Variants in CYP20A1 observed in about 807,000 individuals in gnomAD.
The protein encoded by CYP20A1 is cytochrome P450 family 20 subfamily A member 1, also known as cytochrome P450 20A1.
Under a neutral mutation model 61.4 loss-of-function variants are expected in CYP20A1, and 61 were observed. The observed-to-expected ratio is 0.99, with a 90% CI of 0.81 to 1.23. The LOEUF is 1.23. Among genes scored for constraint, CYP20A1 ranks in the 50% most tolerant of loss-of-function variants. The pLI, the probability that CYP20A1 is intolerant of heterozygous loss-of-function variation, is 0.00. For missense variants in CYP20A1, 530 were observed against 542.4 expected (o/e 0.98, Z 0.23); for synonymous variants, 193 against 188.2 (o/e 1.03, Z -0.21).
At chr2:203,267,528 C>A (rs2067375788) in intron 5 of CYP20A1, among the ~76,000 whole-genome samples, 1 of 137,900 alleles carries the variant, frequency 7.3e-6, no homozygotes. Flanking sequence ...GAGTGAGACT[C>A]TTGTCTCACT....
intron 4 of CYP20A1, among the ~76,000 whole-genome samples, chr2:203,266,134 T>G (rs1351610568): frequency 6.6e-6 from 1 of 152,242 alleles, no homozygotes; most frequent in African/African-American, 2.4e-5. Context: ...TATATTCATA[T>G]GTTTATTGAT....
At chr2:203,243,335 G>A (rs898585919) in intron 1 of CYP20A1, among the ~76,000 whole-genome samples, 1 of 151,538 alleles carries the variant, frequency 6.6e-6, no homozygotes. Context: ...GTAGAGACAG[G>A]GTTTCACTGT....
intron 1 of CYP20A1, among the ~76,000 whole-genome samples, chr2:203,239,633 G>T (rs2066176408): frequency 6.6e-6 from 1 of 152,144 alleles, no homozygotes; most frequent in African/African-American, 2.4e-5. Context: ...AATCCAAAGT[G>T]CTCGAGGTCC....
rs554558552 is a variant in CYP20A1, at chr2:203,274,505, A to G, written c.679+1757A>G. 3.9e-5 allele frequency among the ~76,000 whole-genome samples: 6 copies of G among 152,170 alleles called. No homozygotes were observed. In the South Asian group the frequency reaches 8.3e-4, roughly 21 times the overall value. On this transcript the variant is annotated intron_variant, in intron 6 of 12. Coordinates refer to ENST00000356079, the MANE Select transcript of CYP20A1 (RefSeq NM_177538.3). ...CCGGCCAATACTTTTATTCTAAGCT[A>G]CCTCAATTCATTTTTTTGGAAGCAT...
At chr2:203,264,277 G>A (rs147897935) in intron 4 of CYP20A1, among the ~76,000 whole-genome samples, 1 of 152,148 alleles carries the variant, frequency 6.6e-6, no homozygotes. Context: ...ATGAGCCACC[G>A]TGTCTAGCCT....
chr2:203,260,611 T>A (rs1411153293), intron 4 of CYP20A1, among the ~76,000 whole-genome samples: 1 of 152,012 alleles, frequency 6.6e-6, no homozygotes, highest in Non-Finnish European at 1.5e-5. Context: ...TTCCTGCACC[T>A]CGGCTCAAGT....
intron 2 of CYP20A1, among the ~76,000 whole-genome samples, chr2:203,246,345 C>T (rs953519247): frequency 6.6e-6 from 1 of 152,112 alleles, no homozygotes; most frequent in African/African-American, 2.4e-5. Context: ...CTTTCACTTC[C>T]CCTTGCCAGA....
chr2:203,287,236 A>G (rs1001799414), intron 9 of CYP20A1, among the ~76,000 whole-genome samples: 9 of 150,592 alleles, frequency 6.0e-5, no homozygotes, highest in African/African-American at 1.2e-4. Context: ...AAAAAAAAAA[A>G]AAAGAAAAGA....
At chr2:203,256,520 C>T (rs1010021179) in intron 4 of CYP20A1, among the ~76,000 whole-genome samples, 6 of 151,934 alleles carry the variant, frequency 3.9e-5, no homozygotes, top group African/African-American at 7.3e-5. Context: ...CCACAACGCC[C>T]GGTAATTTTT....
At chr2:203,253,215 C>T (rs769092216) in intron 4 of CYP20A1, among the ~76,000 whole-genome samples, 1 of 152,148 alleles carries the variant, frequency 6.6e-6, no homozygotes, top group Non-Finnish European at 1.5e-5. Flanking sequence ...AACCTTACTG[C>T]GGTTCCTGAA....
chr2:203,249,341 T>A (rs1052951049), intron 3 of CYP20A1, among the ~76,000 whole-genome samples: 4 of 152,140 alleles, frequency 2.6e-5, no homozygotes, highest in African/African-American at 9.7e-5. Flanking sequence ...ACATTGAGAC[T>A]GTCTCTAAAT....
chr2:203,295,667 G>T (rs539897062), intron 11 of CYP20A1, among the ~76,000 whole-genome samples: 3 of 152,090 alleles, frequency 2.0e-5, no homozygotes, highest in Non-Finnish European at 4.4e-5. Context: ...AATAAAGTAG[G>T]CCGGGTGCCG....
At chr2:203,270,043 G>A (rs1575217823) in intron 5 of CYP20A1, among the ~76,000 whole-genome samples, 1 of 152,082 alleles carries the variant, frequency 6.6e-6, no homozygotes, top group Non-Finnish European at 1.5e-5. Context: ...CTTGAGCCCA[G>A]GAGTTTAAGA....
At chr2:203,283,545 T>C (rs970047030) in intron 8 of CYP20A1, among the ~76,000 whole-genome samples, 3 of 145,730 alleles carry the variant, frequency 2.1e-5, no homozygotes, top group African/African-American at 5.0e-5. Context: ...CATATTGTTA[T>C]ATTAATTTTT....
At chr2:203,287,843 G>A (rs2068349534) in intron 9 of CYP20A1, among the ~76,000 whole-genome samples, 1 of 152,012 alleles carries the variant, frequency 6.6e-6, no homozygotes, top group South Asian at 2.1e-4. Context: ...TCTACTCAAA[G>A]TCTTTAGTTT....
rs10179955 is a variant in CYP20A1, at chr2:203,298,532, A to T, written c.*1624A>T. 1.5e-5 allele frequency among the ~76,000 whole-genome samples: 1 copy of T among 68,450 alleles called. No individual in the cohort carries two copies. The highest frequency in any genetic ancestry group is 3.0e-5 in the Non-Finnish European group (1 of 32,864). 44.9% of individuals were successfully genotyped at this position (68,450 alleles called of 152,430 possible). A position where few individuals can be genotyped will look rare whatever the true frequency, so the allele number is the denominator to read the frequency against. ...GTGAAACCCCGTCTCTACTAAAAAT[A>T]CAAAAAAAAAAAAAAAAAATTAGCC... is the stretch of plus-strand genomic sequence containing the variant. On this transcript the variant is annotated 3_prime_UTR_variant, in exon 13 of 13. Coordinates refer to ENST00000356079, the MANE Select transcript of CYP20A1 (RefSeq NM_177538.3).
At chr2:203,269,063 C>T (rs2067449461) in intron 5 of CYP20A1, among the ~76,000 whole-genome samples, 2 of 152,178 alleles carry the variant, frequency 1.3e-5, no homozygotes, top group African/African-American at 4.8e-5. Context: ...CCCCTACAAA[C>T]ATTGTCCCAA....
At chr2:203,277,091 G>A (rs770457809) in intron 6 of CYP20A1, among the ~76,000 whole-genome samples, 1 of 151,570 alleles carries the variant, frequency 6.6e-6, no homozygotes, top group Non-Finnish European at 1.5e-5. Context: ...GCTCATGCCT[G>A]TAATCCCGGC....
intron 9 of CYP20A1, among the ~76,000 whole-genome samples, chr2:203,286,780 A>G (rs72938351): frequency 0.074 from 11,252 of 152,300 alleles, 569 homozygotes; most frequent in Non-Finnish European, 0.11. Context: ...TTCAAACCGT[A>G]CAGGTAAAAT....
Sources: gnomAD v4.1 joint callset for allele counts (sites outside exome capture counted in the v4.1 genomes callset) on GRCh38, gnomAD v4.1.1 for gene constraint, MANE v1.5 for transcripts, NCBI Gene and HGNC (gene_info 2026-07-23, HGNC 2026-07-21) for gene names.